Variants in YIPF5 observed in about 807,000 individuals in gnomAD.
The protein encoded by YIPF5 is protein YIPF5.
Under a neutral mutation model 30.4 loss-of-function variants are expected in YIPF5, and 8 were observed. The ratio of observed to expected loss-of-function variants is 0.26; its 90% confidence interval spans 0.15 to 0.47. The LOEUF (loss-of-function observed/expected upper bound fraction) is 0.47, where lower values mean the gene tolerates loss of function less well. Ranked by LOEUF, YIPF5 falls within the 20% of genes least tolerant of loss-of-function variation. YIPF5 has a pLI of 0.99. For synonymous variants in YIPF5, 104 were observed against 107.9 expected, an observed-to-expected ratio of 0.96 and a Z score of 0.23; for missense variants, 282 against 301.8, an observed-to-expected ratio of 0.93 and a Z score of 0.49.
In YIPF5 at chr5:144,160,564, A is replaced by G; in HGVS notation, c.612-5T>C. 1 of 1,608,244 alleles carries G rather than the reference A, an allele frequency of 6.2e-7. No homozygotes were observed. The highest frequency in any genetic ancestry group is 1.1e-5 in the South Asian group (1 of 89,996). ...AGAATGATTCCTACCATTCCTCTGT[A>G]AACAACAAGGAAAAAGGGGGGAGAA... On this transcript the variant is annotated splice_polypyrimidine_tract_variant and splice_region_variant and intron_variant, in intron 5 of 5. Coordinates refer to ENST00000274496, the MANE Select transcript of YIPF5 (RefSeq NM_030799.9).
intron 2 of YIPF5, among the ~76,000 whole-genome samples, chr5:144,169,176 G>A (rs1263874822): frequency 6.6e-6 from 1 of 152,058 alleles, no homozygotes; most frequent in Non-Finnish European, 1.5e-5. Flanking sequence ...GATGTTTTAG[G>A]TGAGATTGCT....
Position 144,159,020 on chromosome 5 carries a change from G to T in YIPF5, c.*1377C>A. 1.0e-6 allele frequency: 1 copy of T among 984,404 alleles called. No homozygotes were observed. Among genetic ancestry groups the T allele is most frequent in the Non-Finnish European group, 1.2e-6 (1 of 829,350 alleles). 61.0% of individuals were successfully genotyped at this position (984,404 alleles called of 1,614,324 possible). A position where few individuals can be genotyped will look rare whatever the true frequency, so the allele number is the denominator to read the frequency against. On this transcript the variant is annotated 3_prime_UTR_variant, in exon 6 of 6. Transcript: ENST00000274496. Reference sequence around the variant, plus strand: ...GACAGTTTTTCTAGAAAAAGCCAATGATCAGTATACAAGATACAGTATTTT... The same window carrying T: ...GACAGTTTTTCTAGAAAAAGCCAATTATCAGTATACAAGATACAGTATTTT...
chr5:144,169,639 G>A (rs1283102855), intron 2 of YIPF5, among the ~76,000 whole-genome samples: 1 of 152,212 alleles, frequency 6.6e-6, no homozygotes, highest in Non-Finnish European at 1.5e-5. Context: ...TGAAGAGTTT[G>A]CAGAAGACAC....
chr5:144,164,254 A>T lies in YIPF5; in HGVS notation c.286T>A (p.Leu96Ile), dbSNP rs1218827370. The T allele has an allele frequency of 1.2e-6, 2 of 1,600,320 alleles. No homozygotes were observed. The highest frequency in any genetic ancestry group is 1.7e-6 in the Non-Finnish European group (2 of 1,175,050). The change falls in exon 4 of 6, where the codon TTA becomes ATA. Residue 96 changes from leucine to isoleucine, a missense_variant and splice_region_variant. Leu to Ile is a conservative substitution (Grantham distance 5). Coordinates refer to ENST00000274496, the MANE Select transcript of YIPF5 (RefSeq NM_030799.9). ...CAGATGTGGTCAAAATTGATACCTA[A>T]CTCTAAAGAGAAAGAAAATTTAAAA... ...FEDEPPLLEE[L>I]GINFDHIWQK...
At chr5:144,167,552 T>C (rs6873233) in intron 2 of YIPF5, among the ~76,000 whole-genome samples, 22,390 of 152,206 alleles carry the variant, frequency 0.15, 1,833 homozygotes, top group Admixed American at 0.24. Context: ...GGTATTATGA[T>C]ATATTTCATA....
intron 2 of YIPF5, among the ~76,000 whole-genome samples, chr5:144,166,030 A>C (rs889300116): frequency 6.6e-6 from 1 of 152,104 alleles, no homozygotes; most frequent in South Asian, 2.1e-4. Context: ...ATGTTATATA[A>C]TTTTTCACTG....
In YIPF5 at chr5:144,159,376, A is replaced by ATTATTT. The variant is rs1554077810; in HGVS notation, c.*1020_*1021insAAATAA. The ATTATTT allele has an allele frequency of 2.5e-5, 25 of 984,884 alleles. No individual in the cohort carries two copies. In the African/African-American group the frequency reaches 3.5e-4, roughly 14 times the overall value. The allele number at this position is 984,884 out of a possible 1,614,324, so 61.0% of individuals were successfully genotyped here. Reference sequence around the variant, plus strand: ...ATATTTTCCTTAAAAAAGGTTAGTGATTTTTTTATTATTTTTGGGAAATGT... The same window carrying ATTATTT: ...ATATTTTCCTTAAAAAAGGTTAGTGATTATTTTTTTTTTATTATTTTTGGGAAATGT... On this transcript the variant is annotated 3_prime_UTR_variant, in exon 6 of 6. Coordinates refer to ENST00000274496, the MANE Select transcript of YIPF5 (RefSeq NM_030799.9).
In YIPF5 at chr5:144,164,180, G is replaced by A; in HGVS notation, c.360C>T (p.Ser120=). The A allele has an allele frequency of 6.2e-7, 1 of 1,613,740 alleles. No individual in the cohort carries two copies. The highest frequency in any genetic ancestry group is 8.5e-7 in the Non-Finnish European group (1 of 1,179,780). The change falls in exon 4 of 6, where the codon AGC becomes AGT. Residue 120 remains serine (S), a synonymous_variant. Transcript: ENST00000274496. ...VLHPLKVADG[S]IMNETDLAGP... is the part of the protein sequence containing the mutation. ...CTGCCAAATCAGTTTCATTCATGAT[G>A]CTGCCATCTGCTACTTTTAACGGAT...
rs757709778 is a variant in YIPF5 at position 144,169,865 on chromosome 5, T to G, written c.91A>C (p.Ser31Arg). ...AGTTACTTGCTATAGGGTCCTCCAC[T>G]TCCTCCATAATCATAGGACTGCTGT... ...QSQQSYDYGG[S>R]GGPYSKQYAG... Residue 31 changes from serine (S) to arginine (R), a missense_variant, in exon 2 of 6, where the codon AGT becomes CGT. Ser to Arg is a moderately radical substitution (Grantham distance 110, BLOSUM62 -1). Transcript: ENST00000274496. The G allele has an allele frequency of 9.3e-6, 15 of 1,614,172 alleles. No individual in the cohort carries two copies. Among genetic ancestry groups the G allele is most frequent in the African/African-American group, 1.3e-5 (1 of 75,076 alleles).
Position 144,159,076 on chromosome 5 carries a change from A to G in YIPF5, c.*1321T>C. ...AGATTCTCTCTGGCAAGAGAACATGACAATATAAATCAAATAAATTTAATA... is the reference window on the plus strand; with the variant it reads ...AGATTCTCTCTGGCAAGAGAACATGGCAATATAAATCAAATAAATTTAATA... On this transcript the variant is annotated 3_prime_UTR_variant, in exon 6 of 6. Coordinates refer to ENST00000274496, the MANE Select transcript of YIPF5 (RefSeq NM_030799.9). 1.0e-6 allele frequency: 1 copy of G among 983,260 alleles called. No homozygotes were observed. 60.9% of individuals were successfully genotyped at this position (983,260 alleles called of 1,614,324 possible).
rs371945561 is a variant in YIPF5, at chr5:144,163,504, G to C, written c.429+607C>G. Among the ~76,000 whole-genome samples the C allele has an allele frequency of 3.3e-5, 5 of 152,270 alleles. No individual in the cohort carries two copies. The East Asian group carries it at 7.7e-4, about 23-fold the overall frequency. ...GAAGGATTAAATGATGTGGCCAAAG[G>C]CTGATCAGGAGCACTCAGTTCAAGC... On this transcript the variant is annotated intron_variant, in intron 4 of 5. Coordinates refer to ENST00000274496, the MANE Select transcript of YIPF5 (RefSeq NM_030799.9).
At chr5:144,170,381 C>CT in intron 1 of YIPF5, 154 bp downstream of exon 1, 1 of 201,654 alleles carries the variant, frequency 5.0e-6, no homozygotes, top group Non-Finnish European at 1.0e-5. Context: ...AAGGTCGCGC[C>CT]TGAGGTGCAG....
chr5:144,164,275 TA>T lies in YIPF5; in HGVS notation c.284-20del. 6.3e-7 allele frequency: 1 copy of T among 1,589,952 alleles called. No individual in the cohort carries two copies. The highest frequency in any genetic ancestry group is 8.6e-7 in the Non-Finnish European group (1 of 1,166,840). The stretch of plus-strand genomic sequence containing the variant: ...CCTAACTCTAAAGAGAAAGAAAATT[TA>T]AAAGTTAATTAGGATTTGTGATGTA... On this transcript the variant is annotated intron_variant, in intron 3 of 5. Coordinates refer to ENST00000274496, the MANE Select transcript of YIPF5 (RefSeq NM_030799.9).
At chr5:144,161,468 C>T (rs1752044015) in intron 5 of YIPF5, among the ~76,000 whole-genome samples, 1 of 151,544 alleles carries the variant, frequency 6.6e-6, no homozygotes, top group African/African-American at 2.4e-5. Flanking sequence ...CCTCAGCCTC[C>T]CGAGTAGCTG....
chr5:144,164,003 CAAAGACTTGAGGTGT>C (rs1752126217), intron 4 of YIPF5, 93 bp downstream of exon 4: 2 of 1,395,582 alleles, frequency 1.4e-6, no homozygotes, highest in South Asian at 2.8e-5. Context: ...CCAAACACAT[CAAAGACTTGAGGTGT>C]AAAGCGGAGT....
At chr5:144,166,206 T>C (rs554279040) in intron 2 of YIPF5, among the ~76,000 whole-genome samples, 3 of 152,360 alleles carry the variant, frequency 2.0e-5, no homozygotes, top group Admixed American at 2.0e-4. Context: ...AGATTTTTAG[T>C]ACACTTTGCA....
At chr5:144,161,263 T>C (rs1752032020) in intron 5 of YIPF5, among the ~76,000 whole-genome samples, 1 of 151,826 alleles carries the variant, frequency 6.6e-6, no homozygotes, top group African/African-American at 2.4e-5. Context: ...ATGGAGGATT[T>C]TATATTGAGA....
At chr5:144,162,820 A>G (rs1348558263) in intron 4 of YIPF5, among the ~76,000 whole-genome samples, 1 of 152,170 alleles carries the variant, frequency 6.6e-6, no homozygotes, top group Non-Finnish European at 1.5e-5. Flanking sequence ...CAAAGCATTA[A>G]TTCTCATTGG....
At chr5:144,162,741 G>C (rs1399785871) in intron 4 of YIPF5, among the ~76,000 whole-genome samples, 1 of 152,282 alleles carries the variant, frequency 6.6e-6, no homozygotes, top group East Asian at 1.9e-4. Flanking sequence ...AGACAAGATG[G>C]AAAGCCGTTC....
Sources: allele counts gnomAD v4.1 joint callset (sites outside exome capture counted in the v4.1 genomes callset), GRCh38; gene constraint gnomAD v4.1.1; transcripts MANE v1.5; gene names NCBI Gene and HGNC (gene_info 2026-07-23, HGNC 2026-07-21).